The following TTC23L variants were observed in gnomAD, a reference collection of about 807,000 sequenced individuals.
TTC23L encodes tetratricopeptide repeat domain 23 like, also known as tetratricopeptide repeat protein 23-like.
A neutral mutation model predicts 48.1 loss-of-function variants in TTC23L; 42 were observed. That is an observed-to-expected ratio of 0.87 (90% confidence interval 0.68 to 1.13). The LOEUF (loss-of-function observed/expected upper bound fraction) is 1.13. Among genes scored for constraint, TTC23L ranks in the 50% most tolerant of loss-of-function variants. The pLI, the probability that TTC23L is intolerant of heterozygous loss-of-function variation, is 0.00. For synonymous variants in TTC23L, 159 were observed against 157.2 expected (o/e 1.01, Z -0.09); for missense variants, 391 against 421.0 (o/e 0.93, Z 0.62).
At chr5:34,909,243 A>C in the TTC23L span, 170 of 1,547,418 alleles carry the variant, frequency 1.1e-4, no homozygotes, top group Non-Finnish European at 1.4e-4. Context: ...GACAACCTCT[A>C]TATTAAGAAC....
intron 9 of TTC23L, among the ~76,000 whole-genome samples, chr5:34,889,901 C>T (rs1211018676): frequency 1.3e-5 from 2 of 151,568 alleles, no homozygotes; most frequent in Non-Finnish European, 2.9e-5. Context: ...TGCAGTGGCG[C>T]GATCTTGGCT....
intron 3 of TTC23L, among the ~76,000 whole-genome samples, chr5:34,846,659 A>ATGTGTG (rs533382588): frequency 3.2e-4 from 22 of 69,158 alleles, no homozygotes; most frequent in Non-Finnish European, 5.8e-4. Flanking sequence ...AAATACATAT[A>ATGTGTG]TGTGTGTATG....
chr5:34,857,715 TATTAA>T (rs878914235), intron 4 of TTC23L, among the ~76,000 whole-genome samples: 3 of 152,240 alleles, frequency 2.0e-5, no homozygotes, highest in Non-Finnish European at 2.9e-5. Flanking sequence ...CCTTTTTTTA[TATTAA>T]ATTAATCCTT....
At chr5:34,862,157 G>GAA (rs1233650565) in intron 4 of TTC23L, among the ~76,000 whole-genome samples, 1 of 152,070 alleles carries the variant, frequency 6.6e-6, no homozygotes, top group South Asian at 2.1e-4. Flanking sequence ...GAAAAGAAAA[G>GAA]AAAAAACAAG....
At chr5:34,901,617 C>A (rs1300887126), downstream of TTC23L, among the ~76,000 whole-genome samples, 1 of 152,172 alleles carries the variant, frequency 6.6e-6, no homozygotes. Context: ...ACAGAATTAG[C>A]TGGGTGTGGT....
chr5:34,899,607 C>T (rs1425502145), downstream of TTC23L, among the ~76,000 whole-genome samples: 1 of 152,082 alleles, frequency 6.6e-6, no homozygotes, highest in Non-Finnish European at 1.5e-5. Context: ...AACTAGGATC[C>T]TGGCTGGGCG....
At chr5:34,922,194 T>C in the TTC23L span, 3 of 1,357,646 alleles carry the variant, frequency 2.2e-6, no homozygotes, top group Non-Finnish European at 2.1e-6. Context: ...CTACTTCATT[T>C]TCCTATACTT....
At chr5:34,862,099 T>C (rs1311917294) in intron 4 of TTC23L, among the ~76,000 whole-genome samples, 1 of 152,148 alleles carries the variant, frequency 6.6e-6, no homozygotes, top group Non-Finnish European at 1.5e-5. Context: ...CTGCAGTCTA[T>C]GGAAAGTCAG....
intron 6 of TTC23L, among the ~76,000 whole-genome samples, chr5:34,865,309 T>A (rs968426989): frequency 4.6e-5 from 7 of 152,156 alleles, no homozygotes; most frequent in African/African-American, 1.4e-4. Flanking sequence ...AGTAAGTAAA[T>A]GAAATACATG....
rs776641258 is a variant in TTC23L, at chr5:34,880,249, GA to G, written c.1021del (p.Thr341HisfsTer2). ...AGCAACATTGGGCTCAGAGGATTTT[GA>G]AACACTGAGCACCACTGAAGAATTT... is the stretch of plus-strand genomic sequence containing the variant. On this transcript the variant is annotated frameshift_variant, in exon 9 of 11. Transcript: ENST00000505624. LOFTEE classifies it high-confidence loss of function. 1.7e-5 allele frequency: 28 copies of G among 1,613,484 alleles called. No individual in the cohort carries two copies. The African/African-American group carries it at 3.2e-4, about 18-fold the overall frequency.
At chr5:34,872,908 C>G (rs1341986526) in intron 8 of TTC23L, among the ~76,000 whole-genome samples, 2 of 151,864 alleles carry the variant, frequency 1.3e-5, no homozygotes, top group African/African-American at 4.8e-5. Flanking sequence ...ACTAAAAATA[C>G]AAAAATTAGC....
intron 9 of TTC23L, among the ~76,000 whole-genome samples, chr5:34,894,097 T>G (rs761452994): frequency 6.6e-6 from 1 of 152,180 alleles, no homozygotes; most frequent in Non-Finnish European, 1.5e-5. Flanking sequence ...TTGGTGGATA[T>G]GTTGGGAAAA....
chr5:34,880,702 G>A (rs1344106427), intron 9 of TTC23L: 4 of 364,512 alleles, frequency 1.1e-5, no homozygotes, highest in Non-Finnish European at 2.1e-5. Context: ...GCAGTGGGGC[G>A]ATCTCGGCTC....
chr5:34,901,669 G>C (rs918927475), downstream of TTC23L, among the ~76,000 whole-genome samples: 11 of 152,192 alleles, frequency 7.2e-5, no homozygotes, highest in African/African-American at 2.4e-4. Context: ...GGCTGGGGCA[G>C]GAGAATTGCT....
intron 4 of TTC23L, among the ~76,000 whole-genome samples, chr5:34,851,094 G>A (rs575611957): frequency 6.6e-6 from 1 of 152,220 alleles, no homozygotes; most frequent in South Asian, 2.1e-4. Flanking sequence ...GCTCCCTCAG[G>A]GCGGGACTGG....
chr5:34,903,912 A>C (rs1763569487), downstream of TTC23L, among the ~76,000 whole-genome samples: 1 of 152,148 alleles, frequency 6.6e-6, no homozygotes, highest in Non-Finnish European at 1.5e-5. Context: ...AAAAAAAAAT[A>C]ATTCAAGCCC....
chr5:34,887,443 C>G (rs187090051), intron 9 of TTC23L, among the ~76,000 whole-genome samples: 48 of 152,236 alleles, frequency 3.2e-4, no homozygotes, highest in African/African-American at 1.1e-3. Flanking sequence ...CAAATCCACA[C>G]TGAAAATAAT....
At chr5:34,841,967 T>C (rs914488967) in intron 2 of TTC23L, among the ~76,000 whole-genome samples, 2 of 152,230 alleles carry the variant, frequency 1.3e-5, no homozygotes, top group African/African-American at 4.8e-5. Flanking sequence ...TAGATGCCAG[T>C]AGCACTAGCT....
downstream of TTC23L, among the ~76,000 whole-genome samples, chr5:34,902,211 G>A (rs1763526568): frequency 6.6e-6 from 1 of 152,066 alleles, no homozygotes; most frequent in South Asian, 2.1e-4. Context: ...ATCACCTGAG[G>A]TCACGAGTTC....
Sources: gnomAD v4.1 joint callset for allele counts (sites outside exome capture counted in the v4.1 genomes callset) on GRCh38, gnomAD v4.1.1 for gene constraint, MANE v1.5 for transcripts, NCBI Gene and HGNC (gene_info 2026-07-23, HGNC 2026-07-21) for gene names.